The following ADGRG6 variants were observed in gnomAD, a reference collection of about 807,000 sequenced individuals.
ADGRG6 encodes the protein G-protein coupled receptor 126.
Under a neutral mutation model 142.4 loss-of-function variants are expected in ADGRG6, and 84 were observed. The ratio of observed to expected loss-of-function variants is 0.59; its 90% CI spans 0.49 to 0.71. The LOEUF (loss-of-function observed/expected upper bound fraction) is 0.71, where lower values mean the gene tolerates loss of function less well. ADGRG6 is among the 30% of genes least tolerant of loss of function. The pLI is 0.00. For missense variants in ADGRG6, 1,367 were observed against 1,466.6 expected (o/e 0.93, Z 1.11); for synonymous variants, 521 against 520.5 (o/e 1.00, Z -0.01).
chr6:142,434,478 C>A (rs1777380811), intron 22 of ADGRG6, among the ~76,000 whole-genome samples: 2 of 152,030 alleles, frequency 1.3e-5, no homozygotes, highest in Non-Finnish European at 2.9e-5. Flanking sequence ...GTGCCAACCA[C>A]CACATCCGGC....
intron 2 of ADGRG6, among the ~76,000 whole-genome samples, chr6:142,324,170 A>T (rs1778651300): frequency 6.6e-6 from 1 of 151,916 alleles, no homozygotes; most frequent in Non-Finnish European, 1.5e-5. Context: ...AGCTTCTGTA[A>T]AACAGAAAAA....
chr6:142,349,556 T>C (rs1780062279), intron 2 of ADGRG6, among the ~76,000 whole-genome samples: 1 of 152,228 alleles, frequency 6.6e-6, no homozygotes, highest in Non-Finnish European at 1.5e-5. Context: ...AACAGGGTAC[T>C]GTCACTGGCT....
At chr6:142,407,048 T>C (rs1279688255) in intron 15 of ADGRG6, among the ~76,000 whole-genome samples, 1 of 151,678 alleles carries the variant, frequency 6.6e-6, no homozygotes, top group Non-Finnish European at 1.5e-5. Context: ...TTAGGAAGCA[T>C]ATCTGGCCAG....
chr6:142,329,280 A>C (rs1473588066), intron 2 of ADGRG6, among the ~76,000 whole-genome samples: 3 of 152,058 alleles, frequency 2.0e-5, no homozygotes, highest in African/African-American at 7.2e-5. Flanking sequence ...AATTTGGGAG[A>C]GTTTCTGGGG....
rs1279033756 is a variant in ADGRG6, at chr6:142,417,242, A to G, written c.2939-31A>G. The stretch of plus-strand genomic sequence containing the variant: ...TATGAAGCAGTTTCAGATGCTTCAA[A>G]AGAGTTTGTGTCATGGTGTTTTTGT... On this transcript the variant is annotated intron_variant, in intron 20 of 24. Transcript: ENST00000367609. The G allele has an allele frequency of 5.2e-6, 6 of 1,161,130 alleles. No homozygotes were observed. In the Admixed American group the frequency reaches 1.0e-4, roughly 20 times the overall value. 71.9% of individuals were successfully genotyped at this position (1,161,130 alleles called of 1,614,324 possible).
At chr6:142,303,511 G>A (rs1210819490) in intron 1 of ADGRG6, among the ~76,000 whole-genome samples, 2 of 152,206 alleles carry the variant, frequency 1.3e-5, no homozygotes, top group African/African-American at 4.8e-5. Flanking sequence ...GAAACTGCAT[G>A]TGAAATAATT....
intron 4 of ADGRG6, among the ~76,000 whole-genome samples, chr6:142,380,219 A>G (rs919468789): frequency 6.6e-6 from 1 of 152,134 alleles, no homozygotes; most frequent in Non-Finnish European, 1.5e-5. Flanking sequence ...TTCTTATCAG[A>G]CTTAGGGTCT....
chr6:142,357,513 A>G (rs893213435), intron 2 of ADGRG6, among the ~76,000 whole-genome samples: 1 of 152,208 alleles, frequency 6.6e-6, no homozygotes, highest in African/African-American at 2.4e-5. Flanking sequence ...AAGGGGAAAA[A>G]TTATGCTGGT....
chr6:142,318,270 A>G (rs1346954642), intron 2 of ADGRG6, among the ~76,000 whole-genome samples: 1 of 75,232 alleles, frequency 1.3e-5, no homozygotes, highest in Non-Finnish European at 2.3e-5. Flanking sequence ...TATTATATAT[A>G]TTTATATTAT....
chr6:142,305,950 C>CA (rs142295012), intron 1 of ADGRG6, among the ~76,000 whole-genome samples: 2,658 of 150,940 alleles, frequency 0.018, 78 homozygotes, highest in African/African-American at 0.061. Flanking sequence ...GATCTTTAAC[C>CA]AAAAAAAAGA....
chr6:142,433,974 A>G (rs1331742113), intron 22 of ADGRG6, among the ~76,000 whole-genome samples: 1 of 151,724 alleles, frequency 6.6e-6, no homozygotes, highest in Non-Finnish European at 1.5e-5. Context: ...GCTTGAGCCC[A>G]GGAGTTCAAG....
chr6:142,408,052 A>C, intron 15 of ADGRG6, 98 bp from the exon 16 acceptor site: 1 of 770,244 alleles, frequency 1.3e-6, no homozygotes. Flanking sequence ...TGAAGATCTT[A>C]AGTGTAAAAA....
chr6:142,424,237 C>T, intron 22 of ADGRG6, among the ~76,000 whole-genome samples: 6 of 101,828 alleles, frequency 5.9e-5, no homozygotes, highest in Non-Finnish European at 4.1e-5. Context: ...GAGGGCATCC[C>T]TGTCTTGTGC....
intron 13 of ADGRG6, among the ~76,000 whole-genome samples, 161 bp downstream of exon 13, chr6:142,402,991 C>T (rs961281717): frequency 4.0e-5 from 6 of 150,940 alleles, no homozygotes; most frequent in African/African-American, 1.5e-4. Flanking sequence ...ACAACATGAA[C>T]TTAAAAGTTC....
intron 4 of ADGRG6, 112 bp downstream of exon 4, chr6:142,370,905 CATATAGACATATATAT>C: frequency 1.0e-6 from 1 of 991,606 alleles, no homozygotes; most frequent in African/African-American, 1.7e-5. Context: ...TATATTCACA[CATATAGACATATATAT>C]ATATGTTGTC....
At chr6:142,341,546 T>G (rs1219479173) in intron 2 of ADGRG6, among the ~76,000 whole-genome samples, 1 of 121,682 alleles carries the variant, frequency 8.2e-6, no homozygotes, top group Non-Finnish European at 1.6e-5. Flanking sequence ...TAGTATATAA[T>G]ATATAGTATA....
rs750859843 is a variant in ADGRG6 at position 142,309,545 on chromosome 6, A to G, written c.4A>G (p.Met2Val). The change falls in exon 2 of 25, where the codon ATG (methionine) becomes GTG (valine). Residue 2 changes from methionine to valine, a missense_variant and splice_region_variant. Physicochemically the swap from Met to Val is conservative, Grantham distance 21. Around this residue, in one of 3 missense-constraint regions of ADGRG6, gnomAD observed 737 missense variants for 746.5 expected, o/e 0.99. Transcript: ENST00000367609. M[M>V]FRSDRMWSCH... ...AATTGCCATCTTCTTTCTTTGCAGG[A>G]TGTTTCGCTCAGATCGAATGTGGAG... is the stretch of plus-strand genomic sequence containing the variant. 1.2e-6 allele frequency: 2 copies of G among 1,603,752 alleles called. No individual in the cohort carries two copies. Among genetic ancestry groups the G allele is most frequent in the Admixed American group, 1.7e-5 (1 of 59,034 alleles).
At chr6:142,338,054 T>G (rs1779430135) in intron 2 of ADGRG6, among the ~76,000 whole-genome samples, 1 of 115,426 alleles carries the variant, frequency 8.7e-6, no homozygotes, top group Non-Finnish European at 1.8e-5. Context: ...GGAGTCTCGC[T>G]CTGTCACCCA....
intron 22 of ADGRG6, among the ~76,000 whole-genome samples, chr6:142,435,934 C>T (rs1020669930): frequency 2.0e-5 from 3 of 152,010 alleles, no homozygotes; most frequent in Non-Finnish European, 2.9e-5. Context: ...GGGAGAAGAG[C>T]GTTCAGCATG....
Sources: gnomAD v4.1 joint callset for allele counts (sites outside exome capture counted in the v4.1 genomes callset) on GRCh38, gnomAD v4.1.1 for gene constraint, gnomAD v4.1.1 regional missense constraint, MANE v1.5 for transcripts, NCBI Gene and HGNC (gene_info 2026-07-23, HGNC 2026-07-21) for gene names.